Variants in RP1 observed in about 807,000 individuals in gnomAD.
RP1 encodes the protein RP1 axonemal microtubule associated.
Under a neutral mutation model 14.8 loss-of-function variants are expected in RP1, and 16 were observed. That is an observed-to-expected ratio of 1.08 (90% CI 0.73 to 1.65). The LOEUF (loss-of-function observed/expected upper bound fraction) is 1.65, where lower values mean the gene tolerates loss of function less well. RP1 is among the 40% of genes most tolerant of loss of function. The pLI is 0.00. For missense variants in RP1, 2,631 were observed against 2,535.0 expected, an observed-to-expected ratio of 1.04 and a Z score of -0.81; for synonymous variants, 876 against 883.6, an observed-to-expected ratio of 0.99 and a Z score of 0.15.
intron 24 of RP1, among the ~76,000 whole-genome samples, chr8:54,789,795 C>T (rs1044461849): frequency 5.3e-5 from 8 of 152,190 alleles, no homozygotes; most frequent in Non-Finnish European, 1.2e-4. Flanking sequence ...AGTAGAGGTC[C>T]TCACTGACTG....
rs1233997841 is a variant in RP1, at chr8:54,856,980, G to A, written c.3991-48G>A. 4.5e-5 allele frequency: 27 copies of A among 593,572 alleles called. No individual in the cohort carries two copies. The East Asian group carries it at 9.3e-4, about 21-fold the overall frequency. The allele number at this position is 593,572 out of a possible 1,614,324, so 36.8% of individuals were successfully genotyped here. ...ATAGTAATACTATTTTTTTTCTAGAGAAAGGAAATATCCTAATGGTCACTG... is the reference window on the plus strand; with the variant it reads ...ATAGTAATACTATTTTTTTTCTAGAAAAAGGAAATATCCTAATGGTCACTG... On this transcript the variant is annotated intron_variant, in intron 26 of 28. Coordinates refer to the RP1 transcript ENST00000637698.
intron 1 of RP1, chr8:54,559,449 C>T (rs940656007): frequency 2.0e-5 from 3 of 152,034 alleles, no homozygotes; most frequent in Admixed American, 6.6e-5. Flanking sequence ...TGAAAGGTTG[C>T]TTAATGGTAT....
intron 1 of RP1, among the ~76,000 whole-genome samples, chr8:54,585,114 G>C (rs1804889676): frequency 6.6e-6 from 1 of 152,188 alleles, no homozygotes; most frequent in African/African-American, 2.4e-5. Context: ...TTTACAATTT[G>C]GCGTGTTTTT....
At chr8:54,581,954 C>T (rs1366609846) in intron 1 of RP1, among the ~76,000 whole-genome samples, 3 of 152,100 alleles carry the variant, frequency 2.0e-5, no homozygotes, top group East Asian at 1.9e-4. Context: ...CTGTAGGTTG[C>T]CTGTTCACTC....
chr8:54,718,028 G>A (rs970007281), intron 15 of RP1, among the ~76,000 whole-genome samples: 1 of 151,870 alleles, frequency 6.6e-6, no homozygotes, highest in African/African-American at 2.4e-5. Context: ...AATATATTCT[G>A]GATCTCTATG....
intron 7 of RP1, among the ~76,000 whole-genome samples, chr8:54,667,373 A>G (rs1807042679): frequency 6.6e-6 from 1 of 152,108 alleles, no homozygotes. Flanking sequence ...TGTCTCCCCT[A>G]ACTTGGAGCC....
At chr8:54,802,843 C>T (rs995662194) in intron 24 of RP1, among the ~76,000 whole-genome samples, 1 of 152,170 alleles carries the variant, frequency 6.6e-6, no homozygotes. Context: ...GAGAAAGGAT[C>T]TACAGTTCTC....
chr8:54,586,958 C>T lies in RP1; in HGVS notation c.-13+27638C>T, dbSNP rs571872255. 5.3e-5 allele frequency among the ~76,000 whole-genome samples: 8 copies of T among 152,332 alleles called. No homozygotes were observed. In the South Asian group the frequency reaches 1.7e-3, roughly 32 times the overall value. ...TTGCGCTTCCTGGGTGAGGCAATGC[C>T]TTGCCCTGCTTTGGCTCATGCTCGG... is the stretch of plus-strand genomic sequence containing the variant. On this transcript the variant is annotated intron_variant, in intron 1 of 22. Transcript: ENST00000636932.
intron 6 of RP1, among the ~76,000 whole-genome samples, chr8:54,662,771 C>T (rs1806929965): frequency 6.6e-6 from 1 of 152,120 alleles, no homozygotes; most frequent in African/African-American, 2.4e-5. Context: ...CTTGGTGTTA[C>T]TTTAAATGTT....
At chr8:54,559,277 T>C (rs1413098865) in exon 1 of RP1, 3 of 152,334 alleles carry the variant, frequency 2.0e-5, no homozygotes, top group South Asian at 4.1e-4. Context: ...TAAGATATTC[T>C]AGAAGCAACT....
chr8:54,600,399 A>G (rs1475463132), intron 1 of RP1, among the ~76,000 whole-genome samples: 1 of 152,224 alleles, frequency 6.6e-6, no homozygotes, highest in African/African-American at 2.4e-5. Flanking sequence ...GAACAGACTA[A>G]TACAGGCTTC....
intron 19 of RP1, among the ~76,000 whole-genome samples, chr8:54,751,156 C>T (rs1421771615): frequency 6.6e-6 from 1 of 152,188 alleles, no homozygotes; most frequent in Non-Finnish European, 1.5e-5. Context: ...ACATCGCCAC[C>T]CATTCTTGAG....
At chr8:54,840,630 T>G (rs1260246314) in intron 25 of RP1, among the ~76,000 whole-genome samples, 1 of 149,826 alleles carries the variant, frequency 6.7e-6, no homozygotes, top group East Asian at 1.9e-4. Flanking sequence ...TGTGTTTTTT[T>G]TTTTTAATTT....
In RP1 at chr8:54,621,315, C is replaced by T. The variant is rs895185207; in HGVS notation, c.349C>T (p.Leu117=). 19 of 1,613,104 alleles carry T rather than the reference C, an allele frequency of 1.2e-5. No homozygotes were observed. The East Asian group carries it at 1.3e-4, about 11-fold the overall frequency. The part of the protein sequence containing the change: ...SHGRKVQPVD[L]DKARRRPRPW... ...CGGCAGGAAGGTGCAGCCTGTAGAC[C>T]TGGACAAAGCCCGTCGGCGCCCGCG... is the stretch of plus-strand genomic sequence containing the variant. Residue 117 remains leucine (L), a synonymous_variant, in exon 2 of 4, where the codon CTG becomes TTG. Coordinates refer to ENST00000220676, the MANE Select transcript of RP1 (RefSeq NM_006269.2).
chr8:54,831,935 T>A (rs1811539821), intron 24 of RP1, among the ~76,000 whole-genome samples: 1 of 152,018 alleles, frequency 6.6e-6, no homozygotes, highest in South Asian at 2.1e-4. Flanking sequence ...GAAACTTCAG[T>A]TTGACAATGT....
At chr8:54,601,336 A>G (rs1660363373) in intron 1 of RP1, among the ~76,000 whole-genome samples, 1 of 150,536 alleles carries the variant, frequency 6.6e-6, no homozygotes, top group South Asian at 2.1e-4. Flanking sequence ...AAAACCAAAC[A>G]CCGCATATTC....
intron 24 of RP1, among the ~76,000 whole-genome samples, chr8:54,794,741 T>C (rs1810542180): frequency 6.6e-6 from 1 of 151,818 alleles, no homozygotes; most frequent in Admixed American, 6.6e-5. Context: ...TGTATTAAAC[T>C]AAAACGTTTC....
chr8:54,750,265 G>T (rs1217579686), intron 19 of RP1, among the ~76,000 whole-genome samples: 2 of 151,966 alleles, frequency 1.3e-5, no homozygotes, highest in Non-Finnish European at 2.9e-5. Flanking sequence ...GAGCACTCAG[G>T]GTATACCTGA....
chr8:54,609,520 A>G (rs1481080049), intron 1 of RP1, among the ~76,000 whole-genome samples: 2 of 152,024 alleles, frequency 1.3e-5, no homozygotes, highest in East Asian at 3.9e-4. Context: ...AACAACATAA[A>G]ACAGAATACA....
Sources: allele counts gnomAD v4.1 joint callset (sites outside exome capture counted in the v4.1 genomes callset), GRCh38; gene constraint gnomAD v4.1.1; transcripts MANE v1.5; gene names NCBI Gene and HGNC (gene_info 2026-07-23, HGNC 2026-07-21).